Variants in PPP1R15B observed in about 807,000 individuals in gnomAD.
The protein encoded by PPP1R15B is protein phosphatase 1 regulatory subunit 15B.
Under a neutral mutation model 53.9 loss-of-function variants are expected in PPP1R15B, and 31 were observed. The ratio of observed to expected loss-of-function variants is 0.58; its 90% CI spans 0.43 to 0.78. The LOEUF (loss-of-function observed/expected upper bound fraction) is 0.78, where lower values mean the gene tolerates loss of function less well. Among genes scored for constraint, PPP1R15B ranks in the 30% least tolerant of loss-of-function variants. The pLI, the probability that PPP1R15B is intolerant of heterozygous loss-of-function variation, is 0.00. For missense variants in PPP1R15B, 928 were observed against 849.6 expected (o/e 1.09, Z -1.15); for synonymous variants, 345 against 329.1 (o/e 1.05, Z -0.52).
chr1:204,405,162 A>C lies in PPP1R15B; in HGVS notation c.*930T>G. 1.0e-6 allele frequency: 1 copy of C among 985,754 alleles called. No individual in the cohort carries two copies. The highest frequency in any genetic ancestry group is 1.2e-6 in the Non-Finnish European group (1 of 829,826). 61.1% of individuals were successfully genotyped at this position (985,754 alleles called of 1,614,324 possible). On this transcript the variant is annotated 3_prime_UTR_variant, in exon 2 of 2. Coordinates refer to ENST00000367188, the MANE Select transcript of PPP1R15B (RefSeq NM_032833.5). ...CTGGTTTTCTGTTGAGAACATATAC[A>C]CCAAAACCAAATTGCTCTGAGATGT...
chr1:204,398,686 A>G (rs767388776), downstream of PPP1R15B, among the ~76,000 whole-genome samples: 11 of 152,264 alleles, frequency 7.2e-5, no homozygotes, highest in East Asian at 3.9e-4. Flanking sequence ...CAGATCTGTA[A>G]TAACAGGTGT....
At chr1:204,402,255 G>C (rs1016169932), downstream of PPP1R15B, among the ~76,000 whole-genome samples, 3 of 152,076 alleles carry the variant, frequency 2.0e-5, no homozygotes, top group Non-Finnish European at 4.4e-5. Context: ...CTTTCATCTT[G>C]AAAGTGCCTG....
chr1:204,403,366 G>C, downstream of PPP1R15B: 1 of 653,174 alleles, frequency 1.5e-6, no homozygotes, highest in Non-Finnish European at 1.9e-6. Context: ...ATATAAAGTT[G>C]AACCAAAATA....
rs1209190944 is a variant in PPP1R15B, at chr1:204,403,434, T to G, written c.*2658A>C. ...ATTACAATTTACAGATTAGTTATGT[T>G]ATATACACAAATATAATTTTAACTA... On this transcript the variant is annotated 3_prime_UTR_variant, in exon 2 of 2. Coordinates refer to ENST00000367188, the MANE Select transcript of PPP1R15B (RefSeq NM_032833.5). 1.2e-5 allele frequency: 9 copies of G among 750,186 alleles called. No individual in the cohort carries two copies. In the East Asian group the frequency reaches 1.0e-3, roughly 86 times the overall value. 46.5% of individuals were successfully genotyped at this position (750,186 alleles called of 1,614,324 possible).
Position 204,409,487 on chromosome 1 carries a change from C to T in PPP1R15B, c.1920+5G>A, listed in dbSNP as rs1674321028. ...ATCAGGCATGTTAAAAGACAAGAAA[C>T]AAACCTTTTTTCTTTTGACATGTGT... On this transcript the variant is annotated splice_donor_5th_base_variant and intron_variant, in intron 1 of 1. Transcript: ENST00000367188. 1 of 1,601,384 alleles carries T rather than the reference C, an allele frequency of 6.2e-7. No individual in the cohort carries two copies.
At chr1:204,398,722 T>G (rs1674127887), downstream of PPP1R15B, among the ~76,000 whole-genome samples, 2 of 152,080 alleles carry the variant, frequency 1.3e-5, no homozygotes, top group African/African-American at 4.8e-5. Context: ...AGATGGAAGA[T>G]AACGCCATCT....
chr1:204,396,360 AAAAAAAAAAG>A (rs1674100244), downstream of PPP1R15B, among the ~76,000 whole-genome samples: 1 of 133,984 alleles, frequency 7.5e-6, no homozygotes, highest in Non-Finnish European at 1.6e-5. Context: ...ATACAAAAAA[AAAAAAAAAAG>A]CAAAAACAAA....
rs1674234683 is a variant in PPP1R15B, at chr1:204,404,629, T to C, written c.*1463A>G. The C allele has an allele frequency of 1.0e-6, 1 of 985,466 alleles. No homozygotes were observed. Among genetic ancestry groups the C allele is most frequent in the African/African-American group, 1.7e-5 (1 of 57,206 alleles). The allele number at this position is 985,466 out of a possible 1,614,324, so 61.0% of individuals were successfully genotyped here. A position where few individuals can be genotyped will look rare whatever the true frequency, so the allele number is the denominator to read the frequency against. On this transcript the variant is annotated 3_prime_UTR_variant, in exon 2 of 2. Coordinates refer to ENST00000367188, the MANE Select transcript of PPP1R15B (RefSeq NM_032833.5). ...TTCTTAGAACTGGATAGAAATAAAA[T>C]AATGACCAGGTAGATTGTAAACTGA...
At position 204,405,087 on chromosome 1, in the gene PPP1R15B, T is replaced by G; in HGVS notation, c.*1005A>C. ...GCCCATTTCCAATTTTACAGTGGGA[T>G]CCTGACAGGTTTTAAAAGTGACAGT... On this transcript the variant is annotated 3_prime_UTR_variant, in exon 2 of 2. Transcript: ENST00000367188. 2.0e-6 allele frequency: 2 copies of G among 985,830 alleles called. No individual in the cohort carries two copies. The highest frequency in any genetic ancestry group is 2.4e-6 in the Non-Finnish European group (2 of 829,878). The allele number at this position is 985,830 out of a possible 1,614,324, so 61.1% of individuals were successfully genotyped here. A position where few individuals can be genotyped will look rare whatever the true frequency, so the allele number is the denominator to read the frequency against.
rs1232756737 is a variant in PPP1R15B at position 204,405,296 on chromosome 1, G to C, written c.*796C>G. 1 of 977,644 alleles carries C rather than the reference G, an allele frequency of 1.0e-6. No individual in the cohort carries two copies. Among genetic ancestry groups the C allele is most frequent in the Admixed American group, 6.2e-5 (1 of 16,248 alleles). 60.6% of individuals were successfully genotyped at this position (977,644 alleles called of 1,614,324 possible). ...TTTTGCAATAACTTCAACCTGTTAAGAGATACAAAGAACTATATTAAACTG... is the reference window on the plus strand; with the variant it reads ...TTTTGCAATAACTTCAACCTGTTAACAGATACAAAGAACTATATTAAACTG... On this transcript the variant is annotated 3_prime_UTR_variant, in exon 2 of 2. Coordinates refer to ENST00000367188, the MANE Select transcript of PPP1R15B (RefSeq NM_032833.5).
rs371684712 is a variant in PPP1R15B, at chr1:204,411,378, G to C, written c.34C>G (p.Leu12Val). ...AACCGGAAGCCCGCCCGAGGGCCAAGCCGTTTCCGCGATCCGCCTGTCCCC... is the reference window on the plus strand; with the variant it reads ...AACCGGAAGCCCGCCCGAGGGCCAACCCGTTTCCGCGATCCGCCTGTCCCC... ...EPGTGGSRKR[L>V]GPRAGFRFWP... Residue 12 changes from leucine to valine, a missense_variant, in exon 1 of 2, where the codon CTT becomes GTT. Physicochemically the swap from Leu to Val is conservative, Grantham distance 32. Coordinates refer to ENST00000367188, the MANE Select transcript of PPP1R15B (RefSeq NM_032833.5). 6.2e-7 allele frequency: 1 copy of C among 1,613,190 alleles called. No homozygotes were observed. The highest frequency in any genetic ancestry group is 8.5e-7 in the Non-Finnish European group (1 of 1,179,984).
At chr1:204,409,209 G>GT (rs1674314965) in intron 1 of PPP1R15B, among the ~76,000 whole-genome samples, 1 of 152,174 alleles carries the variant, frequency 6.6e-6, no homozygotes, top group Non-Finnish European at 1.5e-5. Flanking sequence ...ATTGAAGCTT[G>GT]TAAGGAAACA....
At position 204,405,389 on chromosome 1, in the gene PPP1R15B, AG is replaced by A. The variant is rs1232701047; in HGVS notation, c.*702del. The A allele has an allele frequency of 6.7e-5, 66 of 985,182 alleles. No homozygotes were observed. The highest frequency in any genetic ancestry group is 8.7e-5 in the African/African-American group (5 of 57,238). The allele number at this position is 985,182 out of a possible 1,614,324, so 61.0% of individuals were successfully genotyped here. On this transcript the variant is annotated 3_prime_UTR_variant, in exon 2 of 2. Transcript: ENST00000367188. ...AATATATTAGATGTTAAAATGTGGT[AG>A]AAAGATGCAGCTTTCCCAAAGTAGT...
chr1:204,403,707 G>A lies in PPP1R15B; in HGVS notation c.*2385C>T. Reference sequence around the variant, plus strand: ...TAACAAGACTTTAAATGTATAAAATGTTTAATTAAAACCTCCAAAGATTTT... The same window carrying A: ...TAACAAGACTTTAAATGTATAAAATATTTAATTAAAACCTCCAAAGATTTT... On this transcript the variant is annotated 3_prime_UTR_variant, in exon 2 of 2. Transcript: ENST00000367188. 2.0e-6 allele frequency: 2 copies of A among 984,672 alleles called. No homozygotes were observed. Among genetic ancestry groups the A allele is most frequent in the South Asian group, 9.4e-5 (2 of 21,252 alleles). The allele number at this position is 984,672 out of a possible 1,614,324, so 61.0% of individuals were successfully genotyped here.
In PPP1R15B at chr1:204,410,036, C is replaced by T. The variant is rs199841055; in HGVS notation, c.1376G>A (p.Ser459Asn). 2 of 1,614,166 alleles carry T rather than the reference C, an allele frequency of 1.2e-6. No homozygotes were observed. Among genetic ancestry groups the T allele is most frequent in the African/African-American group, 2.7e-5 (2 of 75,068 alleles). The change falls in exon 1 of 2, where the codon AGT (serine) becomes AAT (asparagine). Residue 459 changes from serine (S) to asparagine (N), a missense_variant. Coordinates refer to ENST00000367188, the MANE Select transcript of PPP1R15B (RefSeq NM_032833.5). ...DEEAEDDGFD[S>N]DSSLSDSDLE... ...GTCTGAGTCTGACAGTGAGCTATCA[C>T]TATCAAAACCATCATCCTCAGCTTC... is the stretch of plus-strand genomic sequence containing the variant.
chr1:204,402,967 G>A (rs1199871975), downstream of PPP1R15B, among the ~76,000 whole-genome samples: 1 of 152,120 alleles, frequency 6.6e-6, no homozygotes, highest in Admixed American at 6.5e-5. Flanking sequence ...AGCTACTCGG[G>A]AGGCTGAGGC....
rs1215190930 is a variant in PPP1R15B at position 204,409,799 on chromosome 1, C to G, written c.1613G>C (p.Gly538Ala). Residue 538 changes from glycine (G) to alanine (A), a missense_variant, in exon 1 of 2, where the codon GGG (glycine) becomes GCG (alanine). Coordinates refer to ENST00000367188, the MANE Select transcript of PPP1R15B (RefSeq NM_032833.5). ...SLPETPEHSS[G>A]EEDDWESSAD... ...ACTAGATTCCCAGTCATCTTCCTCC[C>G]CAGAACTATGCTCAGGGGTCTCAGG... 1 of 1,614,080 alleles carries G rather than the reference C, an allele frequency of 6.2e-7. No individual in the cohort carries two copies. The highest frequency in any genetic ancestry group is 1.3e-5 in the African/African-American group (1 of 74,932).
chr1:204,404,652 T>G lies in PPP1R15B; in HGVS notation c.*1440A>C. 1.0e-6 allele frequency: 1 copy of G among 985,836 alleles called. No homozygotes were observed. Among genetic ancestry groups the G allele is most frequent in the Non-Finnish European group, 1.2e-6 (1 of 829,900 alleles). The allele number at this position is 985,836 out of a possible 1,614,324, so 61.1% of individuals were successfully genotyped here. A position where few individuals can be genotyped will look rare whatever the true frequency, so the allele number is the denominator to read the frequency against. On this transcript the variant is annotated 3_prime_UTR_variant, in exon 2 of 2. Transcript: ENST00000367188. The stretch of plus-strand genomic sequence containing the variant: ...AATAATGACCAGGTAGATTGTAAAC[T>G]GAGGTAGTAACCCTGTAAGCACTTC...
chr1:204,406,083 G>A lies in PPP1R15B; in HGVS notation c.*9C>T, dbSNP rs1674259404. The A allele has an allele frequency of 6.2e-7, 1 of 1,613,724 alleles. No homozygotes were observed. Among genetic ancestry groups the A allele is most frequent in the Non-Finnish European group, 8.5e-7 (1 of 1,179,876 alleles). On this transcript the variant is annotated 3_prime_UTR_variant, in exon 2 of 2. Transcript: ENST00000367188. ...TAGTGTATGCTAGCTAGGACTACAGGCTGCCAACTCAACATTGCTTGAGAA... is the reference window on the plus strand; with the variant it reads ...TAGTGTATGCTAGCTAGGACTACAGACTGCCAACTCAACATTGCTTGAGAA...
Sources: allele counts gnomAD v4.1 joint callset (sites outside exome capture counted in the v4.1 genomes callset), GRCh38; gene constraint gnomAD v4.1.1; transcripts MANE v1.5; gene names NCBI Gene and HGNC (gene_info 2026-07-23, HGNC 2026-07-21).